Variants in SLC35F5 observed in about 807,000 individuals in gnomAD.
SLC35F5 encodes solute carrier family 35 member F5.
SLC35F5 carries 54 observed loss-of-function variants against 68.6 expected under a neutral mutation model. The ratio of observed to expected loss-of-function variants is 0.79; its 90% CI spans 0.63 to 0.99. The LOEUF (loss-of-function observed/expected upper bound fraction) is 0.99. SLC35F5 is among the 50% of genes least tolerant of loss of function. The pLI is 0.00. For synonymous variants in SLC35F5, 211 were observed against 205.2 expected (o/e 1.03, Z -0.24); for missense variants, 567 against 626.9 (o/e 0.90, Z 1.02).
chr2:113,707,716 T>A lies in SLC35F5; in HGVS notation c.*7502A>T, dbSNP rs559449317. 1.8e-4 allele frequency among the ~76,000 whole-genome samples: 28 copies of A among 152,184 alleles called. No individual in the cohort carries two copies. In the South Asian group the frequency reaches 5.6e-3, roughly 30 times the overall value. ...CTGGGACTACAGGCGTGCACCACCATGCCTGGCTAATTTTTTGTATTTTTA... is the reference window on the plus strand; with the variant it reads ...CTGGGACTACAGGCGTGCACCACCAAGCCTGGCTAATTTTTTGTATTTTTA... On this transcript the variant is annotated 3_prime_UTR_variant, in exon 16 of 16. Coordinates refer to ENST00000245680, the MANE Select transcript of SLC35F5 (RefSeq NM_025181.5).
chr2:113,723,219 C>T, intron 12 of SLC35F5, 25 bp from the exon 13 acceptor site: 2 of 1,488,022 alleles, frequency 1.3e-6, no homozygotes, highest in Non-Finnish European at 1.8e-6. Context: ...ATATACATTT[C>T]TATATTTAAA....
chr2:113,732,334 T>G (rs1687927447), intron 9 of SLC35F5, among the ~76,000 whole-genome samples: 1 of 152,146 alleles, frequency 6.6e-6, no homozygotes, highest in South Asian at 2.1e-4. Flanking sequence ...AATACAGATG[T>G]GGTTCCTGTC....
At chr2:113,734,500 A>G (rs765188556) in intron 9 of SLC35F5, 86 bp downstream of exon 9, 4 of 746,142 alleles carry the variant, frequency 5.4e-6, no homozygotes, top group Non-Finnish European at 8.9e-6. Context: ...TTGCTCTTAC[A>G]ATACAAACTA....
At position 113,711,998 on chromosome 2, in the gene SLC35F5, T is replaced by C. The variant is rs914275708; in HGVS notation, c.*3220A>G. ...CTTGGCTTCCAGAGAAGTCATACCT[T>C]GCATACCCTGGAGTCATACCTCAAA... On this transcript the variant is annotated 3_prime_UTR_variant, in exon 16 of 16. Coordinates refer to ENST00000245680, the MANE Select transcript of SLC35F5 (RefSeq NM_025181.5). 2.0e-5 allele frequency among the ~76,000 whole-genome samples: 3 copies of C among 152,218 alleles called. No individual in the cohort carries two copies. Among genetic ancestry groups the C allele is most frequent in the Admixed American group, 2.0e-4 (3 of 15,278 alleles).
intron 1 of SLC35F5, chr2:113,755,781 T>C (rs1559372880): frequency 7.1e-7 from 1 of 1,417,788 alleles, no homozygotes; most frequent in Non-Finnish European, 9.7e-7. Context: ...ATATACAACA[T>C]ACGGCACATT....
chr2:113,739,540 T>C (rs138522676), intron 7 of SLC35F5, among the ~76,000 whole-genome samples: 2 of 152,266 alleles, frequency 1.3e-5, no homozygotes, highest in East Asian at 3.9e-4. Context: ...CAAAAGAAAA[T>C]CTTTGGGATT....
Position 113,749,587 on chromosome 2 carries a change from C to T in SLC35F5, c.417+838G>A, listed in dbSNP as rs112132815. Reference sequence around the variant, plus strand: ...TTTAACCCACAAAAAATAATACACACGAAAGAAAAAGATTAAGAGAGACAG... The same window carrying T: ...TTTAACCCACAAAAAATAATACACATGAAAGAAAAAGATTAAGAGAGACAG... On this transcript the variant is annotated intron_variant, in intron 4 of 15. Transcript: ENST00000245680. Among the ~76,000 whole-genome samples the T allele has an allele frequency of 3.3e-4, 50 of 152,100 alleles. 1 individual carries two copies. The highest frequency in any genetic ancestry group is 1.2e-3 in the African/African-American group (48 of 41,502).
At chr2:113,746,919 C>T (rs1676510462) in intron 4 of SLC35F5, among the ~76,000 whole-genome samples, 1 of 137,274 alleles carries the variant, frequency 7.3e-6, no homozygotes, top group Non-Finnish European at 1.6e-5. Flanking sequence ...AAGATTACGT[C>T]TCAAAAAAAG....
At position 113,731,482 on chromosome 2, in the gene SLC35F5, C is replaced by G. The variant is rs1289813974; in HGVS notation, c.985+102G>C. The G allele has an allele frequency of 5.4e-6, 4 of 737,430 alleles. No individual in the cohort carries two copies. In the Admixed American group the frequency reaches 7.5e-5, roughly 14 times the overall value. 45.7% of individuals were successfully genotyped at this position (737,430 alleles called of 1,614,324 possible). ...AAGGAAAAGTTCAAAAAAAACCCAC[C>G]CTGCTAGTGCCTACCCTTTGTGCGT... On this transcript the variant is annotated intron_variant, in intron 10 of 15. Coordinates refer to ENST00000245680, the MANE Select transcript of SLC35F5 (RefSeq NM_025181.5).
Position 113,715,082 on chromosome 2 carries a change from T to G in SLC35F5, c.*136A>C, listed in dbSNP as rs550288185. 1 of 152,536 alleles carries G rather than the reference T, an allele frequency of 6.6e-6. No individual in the cohort carries two copies. Among genetic ancestry groups the G allele is most frequent in the Non-Finnish European group, 1.5e-5 (1 of 68,020 alleles). The allele number at this position is 152,536 out of a possible 1,614,324, so 9.4% of individuals were successfully genotyped here. A position where few individuals can be genotyped will look rare whatever the true frequency, so the allele number is the denominator to read the frequency against. Reference sequence around the variant, plus strand: ...GAAGAAAACAGGTATGAGAAAAATATATTTTAGAGTTTCAAAGAACTCAAA... The same window carrying G: ...GAAGAAAACAGGTATGAGAAAAATAGATTTTAGAGTTTCAAAGAACTCAAA... On this transcript the variant is annotated 3_prime_UTR_variant, in exon 16 of 16. Coordinates refer to ENST00000245680, the MANE Select transcript of SLC35F5 (RefSeq NM_025181.5).
chr2:113,732,449 C>T, intron 9 of SLC35F5, among the ~76,000 whole-genome samples: 1 of 151,960 alleles, frequency 6.6e-6, no homozygotes, highest in East Asian at 1.9e-4. Context: ...TAGCCTAATT[C>T]TCTCACCCTG....
chr2:113,718,894 A>G (rs1345130436), intron 14 of SLC35F5, among the ~76,000 whole-genome samples: 3 of 57,934 alleles, frequency 5.2e-5, no homozygotes, highest in Non-Finnish European at 1.5e-4. Context: ...AGAAAGAAAG[A>G]AAGAAAGAAA....
intron 7 of SLC35F5, among the ~76,000 whole-genome samples, chr2:113,737,316 C>A (rs904916325): frequency 1.3e-5 from 2 of 152,198 alleles, no homozygotes; most frequent in Non-Finnish European, 2.9e-5. Context: ...ATACTGTACT[C>A]AAGGCTAAAG....
At chr2:113,736,969 A>G (rs1303867794) in intron 7 of SLC35F5, among the ~76,000 whole-genome samples, 1 of 152,170 alleles carries the variant, frequency 6.6e-6, no homozygotes, top group Non-Finnish European at 1.5e-5. Flanking sequence ...CAATGCTACT[A>G]TGAATATCTT....
chr2:113,731,728 G>A, intron 9 of SLC35F5, 80 bp from the exon 10 acceptor site: 3 of 1,115,770 alleles, frequency 2.7e-6, no homozygotes, highest in Admixed American at 3.6e-5. Context: ...ATTTATAAGT[G>A]ATCAAGACTA....
chr2:113,704,422 G>A (rs575061445), downstream of SLC35F5, among the ~76,000 whole-genome samples: 15 of 152,328 alleles, frequency 9.8e-5, no homozygotes, highest in South Asian at 3.1e-3. Context: ...CCCTGCGCCC[G>A]CACTCCTCAG....
intron 4 of SLC35F5, among the ~76,000 whole-genome samples, chr2:113,747,873 C>T (rs1029315008): frequency 2.6e-5 from 4 of 152,194 alleles, no homozygotes; most frequent in African/African-American, 9.6e-5. Context: ...GGGTGGATCG[C>T]TTGGGGTCAG....
chr2:113,704,288 C>G (rs936450534), downstream of SLC35F5, among the ~76,000 whole-genome samples: 12 of 152,172 alleles, frequency 7.9e-5, no homozygotes, highest in African/African-American at 2.9e-4. Context: ...CTGATTGGTG[C>G]GTTTACAATC....
downstream of SLC35F5, among the ~76,000 whole-genome samples, chr2:113,703,238 G>A (rs1037288492): frequency 1.3e-5 from 2 of 151,908 alleles, no homozygotes; most frequent in Admixed American, 6.6e-5. Flanking sequence ...ATACTCAACA[G>A]ATCTTAAAGT....
Sources: gnomAD v4.1 joint callset for allele counts (sites outside exome capture counted in the v4.1 genomes callset) on GRCh38, gnomAD v4.1.1 for gene constraint, MANE v1.5 for transcripts, NCBI Gene and HGNC (gene_info 2026-07-23, HGNC 2026-07-21) for gene names.